TAFA5: variants seen among roughly 807,000 people sequenced by gnomAD.
TAFA5 encodes the protein chemokine-like protein TAFA-5.
TAFA5 carries 6 observed loss-of-function variants against 15.3 expected under a neutral mutation model. That is an observed-to-expected ratio of 0.39 (90% CI 0.21 to 0.77). The LOEUF is 0.77. TAFA5 is among the 30% of genes least tolerant of loss of function. TAFA5 has a pLI of 0.41. For synonymous variants in TAFA5, 103 were observed against 80.7 expected (o/e 1.28, Z -1.48); for missense variants, 161 against 193.1 (o/e 0.83, Z 0.98).
chr22:48,576,036 C>CG (rs1366029608), intron 1 of TAFA5, among the ~76,000 whole-genome samples: 1 of 93,438 alleles, frequency 1.1e-5, no homozygotes, highest in Non-Finnish European at 2.1e-5. Context: ...GGGGCCGCGC[C>CG]GGACCCCCCC....
intron 2 of TAFA5, among the ~76,000 whole-genome samples, chr22:48,696,459 C>T (rs1928715965): frequency 6.6e-6 from 1 of 152,154 alleles, no homozygotes; most frequent in Non-Finnish European, 1.5e-5. Flanking sequence ...CCCTGAGTGC[C>T]CTGCCCAGGG....
chr22:48,519,836 T>A (rs577296257), intron 1 of TAFA5, among the ~76,000 whole-genome samples: 1 of 152,112 alleles, frequency 6.6e-6, no homozygotes, highest in South Asian at 2.1e-4. Flanking sequence ...TCACCTAACC[T>A]CTCTGTGCCA....
At chr22:48,540,574 G>A (rs570442411) in intron 1 of TAFA5, among the ~76,000 whole-genome samples, 3 of 149,016 alleles carry the variant, frequency 2.0e-5, no homozygotes, top group East Asian at 4.0e-4. Flanking sequence ...AACGCTGAGC[G>A]CAGATATGCA....
intron 1 of TAFA5, among the ~76,000 whole-genome samples, chr22:48,521,198 C>G (rs1211781451): frequency 6.6e-6 from 1 of 152,162 alleles, no homozygotes; most frequent in Non-Finnish European, 1.5e-5. Flanking sequence ...TTCATTTACC[C>G]AGCAGGACAT....
chr22:48,544,844 G>A (rs1228994099), intron 1 of TAFA5: 2 of 471,252 alleles, frequency 4.2e-6, no homozygotes, highest in African/African-American at 4.0e-5. Flanking sequence ...CTGCCTCTGA[G>A]GTGAGAGAGC....
intron 2 of TAFA5, among the ~76,000 whole-genome samples, chr22:48,676,797 T>A (rs913888547): frequency 2.6e-5 from 4 of 152,242 alleles, no homozygotes; most frequent in Non-Finnish European, 4.4e-5. Flanking sequence ...TCCCAAGCCA[T>A]TGACCTTGAG....
chr22:48,502,520 ATTTTTTTTTTTTTT>A (rs71677503), intron 1 of TAFA5, among the ~76,000 whole-genome samples: 1 of 130,728 alleles, frequency 7.6e-6, no homozygotes, highest in Non-Finnish European at 1.6e-5. Flanking sequence ...TCTCTTTGGA[ATTTTTTTTTTTTTT>A]TTTTTGAGAT....
chr22:48,665,190 T>A (rs573170596), intron 2 of TAFA5, among the ~76,000 whole-genome samples: 3 of 152,154 alleles, frequency 2.0e-5, no homozygotes, highest in Non-Finnish European at 4.4e-5. Context: ...TCTACAGCCG[T>A]CTGGAGTGGC....
intron 1 of TAFA5, among the ~76,000 whole-genome samples, chr22:48,604,095 C>T (rs77047601): frequency 0.015 from 2,284 of 152,282 alleles, 49 homozygotes; most frequent in African/African-American, 0.052. Context: ...CGCAAGCTAC[C>T]GATGGATGAA....
chr22:48,558,415 C>T (rs1413937534), intron 1 of TAFA5, among the ~76,000 whole-genome samples: 2 of 152,108 alleles, frequency 1.3e-5, no homozygotes, highest in Non-Finnish European at 2.9e-5. Context: ...TCTGTCGCAC[C>T]TCTTGGGTTC....
intron 2 of TAFA5, among the ~76,000 whole-genome samples, chr22:48,680,144 G>A (rs1321827241): frequency 6.6e-6 from 1 of 152,248 alleles, no homozygotes; most frequent in African/African-American, 2.4e-5. Context: ...TGTGCAAGGA[G>A]GATATCATGT....
chr22:48,743,654 G>A (rs1483436449), intron 3 of TAFA5, among the ~76,000 whole-genome samples: 2 of 152,192 alleles, frequency 1.3e-5, no homozygotes, highest in Non-Finnish European at 2.9e-5. Context: ...GGCCAGGAGC[G>A]GACTGTGGGG....
intron 2 of TAFA5, among the ~76,000 whole-genome samples, chr22:48,691,057 G>A (rs1032484885): frequency 3.8e-4 from 58 of 152,312 alleles, no homozygotes; most frequent in African/African-American, 1.2e-3. Context: ...GAGACCCGCC[G>A]TAAAGCAGGA....
At chr22:48,634,616 C>T (rs1460786732) in intron 1 of TAFA5, among the ~76,000 whole-genome samples, 1 of 152,170 alleles carries the variant, frequency 6.6e-6, no homozygotes, top group African/African-American at 2.4e-5. Flanking sequence ...CACTCACCCA[C>T]TCATTGACAC....
At chr22:48,573,695 G>A (rs1180061255) in intron 1 of TAFA5, among the ~76,000 whole-genome samples, 1 of 152,232 alleles carries the variant, frequency 6.6e-6, no homozygotes, top group African/African-American at 2.4e-5. Context: ...CCTGTTGAAA[G>A]TGAATTGGTG....
At chr22:48,496,543 G>A (rs899773501) in intron 1 of TAFA5, among the ~76,000 whole-genome samples, 1 of 152,202 alleles carries the variant, frequency 6.6e-6, no homozygotes, top group African/African-American at 2.4e-5. Context: ...AGGAGCCAGG[G>A]GAGTCAGGGA....
chr22:48,696,333 C>T (rs985766935), intron 2 of TAFA5, among the ~76,000 whole-genome samples: 1 of 152,330 alleles, frequency 6.6e-6, no homozygotes, highest in East Asian at 1.9e-4. Flanking sequence ...TATCCTCCCT[C>T]CACTCTTCCC....
At chr22:48,506,066 C>A (rs907678166) in intron 1 of TAFA5, among the ~76,000 whole-genome samples, 3 of 152,294 alleles carry the variant, frequency 2.0e-5, no homozygotes, top group African/African-American at 7.2e-5. Flanking sequence ...CCCAGGCCAG[C>A]TGAGGTCGCC....
chr22:48,693,358 T>A, intron 2 of TAFA5: 1 of 1,612,394 alleles, frequency 6.2e-7, no homozygotes, highest in Non-Finnish European at 8.5e-7. Flanking sequence ...ACACCCGAAA[T>A]GTACCACCAC....
Sources: gnomAD v4.1 joint callset for allele counts (sites outside exome capture counted in the v4.1 genomes callset) on GRCh38, gnomAD v4.1.1 for gene constraint, MANE v1.5 for transcripts, NCBI Gene and HGNC (gene_info 2026-07-23, HGNC 2026-07-21) for gene names.